The following HDGFL3 variants were observed in gnomAD, a reference collection of about 807,000 sequenced individuals.
HDGFL3 encodes HDGF like 3.
In HDGFL3, 6 loss-of-function variants were observed where a neutral mutation model predicts 27.6. That is an observed-to-expected ratio of 0.22 (90% confidence interval 0.12 to 0.43). The LOEUF (loss-of-function observed/expected upper bound fraction) is 0.43. Among genes scored for constraint, HDGFL3 ranks in the 20% least tolerant of loss-of-function variants. HDGFL3 has a pLI of 1.00. For synonymous variants in HDGFL3, 88 were observed against 88.9 expected (o/e 0.99, Z 0.05); for missense variants, 207 against 250.1 (o/e 0.83, Z 1.16).
chr15:83,150,205 G>C (rs1231698682), intron 5 of HDGFL3, among the ~76,000 whole-genome samples: 3 of 152,138 alleles, frequency 2.0e-5, no homozygotes, highest in Non-Finnish European at 4.4e-5. Context: ...GAAATTGTTG[G>C]AGTTGTTGCT....
At chr15:83,127,343 C>A (rs920922821), downstream of HDGFL3, 1 of 1,580,720 alleles carries the variant, frequency 6.3e-7, no homozygotes, top group South Asian at 1.2e-5. Context: ...GATGTTATTT[C>A]TCTGTTCAAT....
intron 3 of HDGFL3, chr15:83,119,848 C>A: frequency 9.7e-7 from 1 of 1,035,898 alleles, no homozygotes; most frequent in Non-Finnish European, 1.4e-6. Flanking sequence ...GTACCACTGC[C>A]TTTTGAATAT....
At chr15:83,152,719 C>T (rs1226640328) in intron 4 of HDGFL3, among the ~76,000 whole-genome samples, 1 of 150,746 alleles carries the variant, frequency 6.6e-6, no homozygotes, top group Non-Finnish European at 1.5e-5. Flanking sequence ...AGAAAACGTC[C>T]TCTAGCTGTG....
chr15:83,193,775 A>C (rs897082192), intron 1 of HDGFL3, among the ~76,000 whole-genome samples: 1 of 152,214 alleles, frequency 6.6e-6, no homozygotes, highest in East Asian at 1.9e-4. Context: ...TCTGTCCCTT[A>C]ATTTCCATGT....
chr15:83,119,856 T>A, intron 3 of HDGFL3: 1 of 952,988 alleles, frequency 1.0e-6, no homozygotes, highest in Non-Finnish European at 1.5e-6. Flanking sequence ...GCCTTTTGAA[T>A]ATGTCCTTCT....
At chr15:83,119,513 C>T (rs931235211) in intron 3 of HDGFL3, 3 of 1,500,798 alleles carry the variant, frequency 2.0e-6, no homozygotes, top group African/African-American at 1.4e-5. Flanking sequence ...ACTTGCAATA[C>T]AGGTCTGATG....
At chr15:83,120,767 T>C (rs1019038117) in intron 3 of HDGFL3, among the ~76,000 whole-genome samples, 1 of 151,974 alleles carries the variant, frequency 6.6e-6, no homozygotes, top group Non-Finnish European at 1.5e-5. Context: ...TTTTTCACCA[T>C]GTTGGCCAGG....
intron 1 of HDGFL3, among the ~76,000 whole-genome samples, chr15:83,178,425 T>TA (rs2037339404): frequency 6.6e-6 from 1 of 152,216 alleles, no homozygotes; most frequent in African/African-American, 2.4e-5. Flanking sequence ...ACTCTTGTCA[T>TA]ACTCTTAAGT....
chr15:83,146,949 G>A (rs2036903318), intron 5 of HDGFL3, among the ~76,000 whole-genome samples: 1 of 152,020 alleles, frequency 6.6e-6, no homozygotes, highest in African/African-American at 2.4e-5. Flanking sequence ...ATTTCTACAA[G>A]CTCTCACCCC....
intron 1 of HDGFL3, among the ~76,000 whole-genome samples, chr15:83,204,718 A>G (rs1001361778): frequency 6.6e-6 from 1 of 152,232 alleles, no homozygotes; most frequent in African/African-American, 2.4e-5. Flanking sequence ...AAGTACCATC[A>G]CTTGGTGCTT....
intron 1 of HDGFL3, among the ~76,000 whole-genome samples, chr15:83,183,406 A>G (rs1037495369): frequency 1.3e-5 from 2 of 152,196 alleles, no homozygotes; most frequent in Non-Finnish European, 2.9e-5. Flanking sequence ...GCTGTCTACA[A>G]CTTCTCCTTT....
chr15:83,177,812 C>T (rs1389639198), intron 1 of HDGFL3, among the ~76,000 whole-genome samples: 1 of 152,094 alleles, frequency 6.6e-6, no homozygotes, highest in Non-Finnish European at 1.5e-5. Flanking sequence ...TACTGGTTTG[C>T]TACAACAATT....
chr15:83,124,050 A>C (rs763948757), downstream of HDGFL3, among the ~76,000 whole-genome samples: 16 of 152,242 alleles, frequency 1.1e-4, no homozygotes, highest in Non-Finnish European at 1.8e-4. Context: ...GTTCATCATT[A>C]CATTAAGTAT....
intron 5 of HDGFL3, among the ~76,000 whole-genome samples, chr15:83,144,206 C>T (rs1031060463): frequency 3.9e-5 from 6 of 152,116 alleles, no homozygotes; most frequent in African/African-American, 9.7e-5. Context: ...TGTGATTTAG[C>T]GACCTGAATC....
intron 1 of HDGFL3, among the ~76,000 whole-genome samples, chr15:83,165,794 C>CAAAAAAAAAAAAAAAA (rs57873221): frequency 2.2e-4 from 3 of 13,842 alleles, no homozygotes; most frequent in Non-Finnish European, 5.4e-4. Context: ...GAATCCATCT[C>CAAAAAAAAAAAAAAAA]AAAAAAAAAA....
At chr15:83,152,159 G>T (rs949014248) in intron 4 of HDGFL3, among the ~76,000 whole-genome samples, 32 of 152,236 alleles carry the variant, frequency 2.1e-4, no homozygotes, top group Admixed American at 1.3e-4. Context: ...CAAGTAAGAG[G>T]TAAGGCAAAA....
chr15:83,175,242 T>C (rs946568024), intron 1 of HDGFL3, among the ~76,000 whole-genome samples: 31 of 152,338 alleles, frequency 2.0e-4, no homozygotes, highest in African/African-American at 6.5e-4. Context: ...GGAACAAATA[T>C]TGTAAAAAAC....
chr15:83,166,473 G>A (rs937976214), intron 1 of HDGFL3, among the ~76,000 whole-genome samples: 13 of 152,178 alleles, frequency 8.5e-5, no homozygotes, highest in Middle Eastern at 6.8e-3. Flanking sequence ...TTCTAAATAC[G>A]GAAACAAAAG....
intron 1 of HDGFL3, chr15:83,185,039 T>G (rs911097640): frequency 3.3e-5 from 5 of 152,260 alleles, no homozygotes; most frequent in Non-Finnish European, 5.9e-5. Flanking sequence ...ATTTTTATTT[T>G]TTGAGACGGA....
Sources: gnomAD v4.1 joint callset for allele counts (sites outside exome capture counted in the v4.1 genomes callset) on GRCh38, gnomAD v4.1.1 for gene constraint, MANE v1.5 for transcripts, NCBI Gene and HGNC (gene_info 2026-07-23, HGNC 2026-07-21) for gene names.